The following ATP8A2 variants were observed in gnomAD, a reference collection of about 807,000 sequenced individuals.
ATP8A2 encodes the protein phospholipid-transporting ATPase IB.
In ATP8A2, 100 loss-of-function variants were observed where a neutral mutation model predicts 165.6. That is an observed-to-expected ratio of 0.60 (90% CI 0.51 to 0.71). The LOEUF (loss-of-function observed/expected upper bound fraction) is 0.71, where lower values mean the gene tolerates loss of function less well. Among genes scored for constraint, ATP8A2 ranks in the 30% least tolerant of loss-of-function variants. The pLI, the probability that ATP8A2 is intolerant of heterozygous loss-of-function variation, is 0.00. For synonymous variants in ATP8A2, 543 were observed against 548.8 expected (o/e 0.99, Z 0.15); for missense variants, 1,227 against 1,479.5 (o/e 0.83, Z 2.80).
chr13:25,885,161 G>A (rs1420760136), intron 33 of ATP8A2, among the ~76,000 whole-genome samples: 1 of 138,680 alleles, frequency 7.2e-6, no homozygotes, highest in Non-Finnish European at 1.5e-5. Flanking sequence ...CACCCAGGCT[G>A]GAGTGCAGTG....
intron 13 of ATP8A2, among the ~76,000 whole-genome samples, chr13:25,558,466 T>G (rs1173931746): frequency 1.3e-5 from 2 of 152,202 alleles, no homozygotes; most frequent in Admixed American, 6.5e-5. Flanking sequence ...TAAGAAAAAT[T>G]ACTGAGTAAG....
intron 35 of ATP8A2, among the ~76,000 whole-genome samples, chr13:25,986,182 A>G (rs1956277908): frequency 1.3e-5 from 2 of 152,226 alleles, no homozygotes; most frequent in Admixed American, 6.5e-5. Context: ...CAAGCTAAAT[A>G]CATATCCATC....
chr13:25,423,020 T>A (rs929463753), intron 1 of ATP8A2, among the ~76,000 whole-genome samples: 10 of 152,200 alleles, frequency 6.6e-5, no homozygotes, highest in African/African-American at 2.2e-4. Context: ...CAGGGTTATC[T>A]TAACATTAGT....
intron 33 of ATP8A2, among the ~76,000 whole-genome samples, chr13:25,957,811 T>C (rs563742684): frequency 1.3e-5 from 2 of 152,258 alleles, no homozygotes; most frequent in South Asian, 2.1e-4. Context: ...AAGACACATG[T>C]ACACGCTTGT....
chr13:25,762,835 G>C (rs2044410825), intron 25 of ATP8A2, among the ~76,000 whole-genome samples: 1 of 152,142 alleles, frequency 6.6e-6, no homozygotes, highest in East Asian at 1.9e-4. Flanking sequence ...ATGTTGAATA[G>C]TTTATGGAAA....
At chr13:25,730,425 G>A (rs1012824099) in intron 25 of ATP8A2, among the ~76,000 whole-genome samples, 4 of 152,144 alleles carry the variant, frequency 2.6e-5, no homozygotes, top group African/African-American at 9.7e-5. Flanking sequence ...TATGTGTGGG[G>A]ACTACTTTCT....
intron 33 of ATP8A2, among the ~76,000 whole-genome samples, chr13:25,904,452 C>T (rs117329767): frequency 1.3e-5 from 2 of 152,318 alleles, no homozygotes; most frequent in Admixed American, 6.5e-5. Context: ...CAAACCCGCA[C>T]CCGTTGCCCC....
At chr13:25,451,156 T>C (rs1196715997) in intron 1 of ATP8A2, among the ~76,000 whole-genome samples, 1 of 152,178 alleles carries the variant, frequency 6.6e-6, no homozygotes, top group Admixed American at 6.5e-5. Context: ...TTCTGGTGCT[T>C]CTTTTTGGAG....
chr13:25,428,020 C>T (rs1268182785), intron 1 of ATP8A2, among the ~76,000 whole-genome samples: 1 of 151,938 alleles, frequency 6.6e-6, no homozygotes, highest in Admixed American at 6.6e-5. Flanking sequence ...CCCATCTCTA[C>T]AAAAATTACA....
At chr13:25,836,509 T>A (rs1361729084) in intron 28 of ATP8A2, among the ~76,000 whole-genome samples, 1 of 152,124 alleles carries the variant, frequency 6.6e-6, no homozygotes, top group African/African-American at 2.4e-5. Context: ...GACTCTCCCT[T>A]CTCCTTCTGC....
intron 25 of ATP8A2, among the ~76,000 whole-genome samples, chr13:25,736,627 C>T (rs1424841880): frequency 6.6e-6 from 1 of 152,186 alleles, no homozygotes; most frequent in Non-Finnish European, 1.5e-5. Context: ...CTCTCTGCAT[C>T]TGAATTCTGC....
At chr13:25,925,768 C>T (rs1322171333) in intron 33 of ATP8A2, among the ~76,000 whole-genome samples, 2 of 150,774 alleles carry the variant, frequency 1.3e-5, no homozygotes, top group Admixed American at 6.6e-5. Flanking sequence ...GCTCTTGTTG[C>T]CCAGGCAGGA....
chr13:25,690,538 A>G (rs1281670179), intron 24 of ATP8A2, among the ~76,000 whole-genome samples: 2 of 152,154 alleles, frequency 1.3e-5, no homozygotes, highest in Non-Finnish European at 2.9e-5. Flanking sequence ...ATCTCAGCAA[A>G]CAGAAATTCA....
intron 34 of ATP8A2, among the ~76,000 whole-genome samples, 164 bp downstream of exon 34, chr13:25,961,827 G>A (rs961904865): frequency 3.9e-5 from 6 of 152,136 alleles, no homozygotes; most frequent in Non-Finnish European, 7.3e-5. Context: ...AGTTTAACTT[G>A]TGCTTCATCT....
At chr13:26,000,423 G>T (rs576949984) in intron 35 of ATP8A2, among the ~76,000 whole-genome samples, 61 of 152,300 alleles carry the variant, frequency 4.0e-4, no homozygotes, top group Non-Finnish European at 7.9e-4. Flanking sequence ...CTTTCTAACA[G>T]AAATGTGGAC....
intron 27 of ATP8A2, among the ~76,000 whole-genome samples, chr13:25,821,919 A>G (rs960223565): frequency 6.6e-6 from 1 of 152,154 alleles, no homozygotes; most frequent in Non-Finnish European, 1.5e-5. Flanking sequence ...TAAATAAAAC[A>G]TGAATGTGTT....
chr13:25,697,074 G>C (rs577487314), intron 24 of ATP8A2, among the ~76,000 whole-genome samples: 7 of 152,316 alleles, frequency 4.6e-5, no homozygotes, highest in African/African-American at 1.7e-4. Flanking sequence ...GGTGCTGATC[G>C]ACTTGCTTGA....
chr13:25,905,805 A>G (rs1306069649), intron 33 of ATP8A2, among the ~76,000 whole-genome samples: 2 of 152,166 alleles, frequency 1.3e-5, no homozygotes, highest in Admixed American at 1.3e-4. Context: ...CTGCCTCTAG[A>G]GTGGCCATGC....
chr13:25,647,997 C>G (rs2137610881), intron 24 of ATP8A2, among the ~76,000 whole-genome samples: 1 of 152,118 alleles, frequency 6.6e-6, no homozygotes, highest in Admixed American at 6.5e-5. Flanking sequence ...CCCATTATTT[C>G]TTTAAATATG....
Sources: gnomAD v4.1 joint callset for allele counts (sites outside exome capture counted in the v4.1 genomes callset) on GRCh38, gnomAD v4.1.1 for gene constraint, MANE v1.5 for transcripts, NCBI Gene and HGNC (gene_info 2026-07-23, HGNC 2026-07-21) for gene names.